Variants in FIGN observed in about 807,000 individuals in gnomAD.
FIGN encodes the protein fidgetin.
In FIGN, 11 loss-of-function variants were observed where a neutral mutation model predicts 51.3. The observed-to-expected ratio is 0.21, with a 90% confidence interval of 0.13 to 0.35. FIGN has a LOEUF of 0.35. Among genes scored for constraint, FIGN ranks in the 10% least tolerant of loss-of-function variants. FIGN has a pLI of 1.00. For missense variants in FIGN, 857 were observed against 943.6 expected, an observed-to-expected ratio of 0.91 and a Z score of 1.20; for synonymous variants, 407 against 363.2, an observed-to-expected ratio of 1.12 and a Z score of -1.37.
At chr2:163,647,955 AGATT>A (rs2105319994) in intron 2 of FIGN, among the ~76,000 whole-genome samples, 1 of 152,276 alleles carries the variant, frequency 6.6e-6, no homozygotes, top group African/African-American at 2.4e-5. Context: ...TGTAATAGAT[AGATT>A]AATAAGTGCA....
intron 2 of FIGN, among the ~76,000 whole-genome samples, chr2:163,673,921 T>C (rs939769255): frequency 1.3e-5 from 2 of 152,186 alleles, no homozygotes; most frequent in Non-Finnish European, 2.9e-5. Flanking sequence ...TATGAATATC[T>C]AATAAAGTGT....
intron 2 of FIGN, among the ~76,000 whole-genome samples, chr2:163,730,366 G>GA (rs1027317471): frequency 2.0e-5 from 3 of 151,938 alleles, no homozygotes; most frequent in African/African-American, 7.3e-5. Context: ...TCAAGTTTAG[G>GA]AAAAAAAGAA....
At chr2:163,666,312 G>A (rs986775086) in intron 2 of FIGN, among the ~76,000 whole-genome samples, 1 of 152,120 alleles carries the variant, frequency 6.6e-6, no homozygotes, top group Non-Finnish European at 1.5e-5. Flanking sequence ...CCTTCCTCAA[G>A]CATTCCTTTA....
intron 2 of FIGN, among the ~76,000 whole-genome samples, chr2:163,697,274 T>C (rs570547006): frequency 1.5e-4 from 23 of 151,708 alleles, no homozygotes; most frequent in Non-Finnish European, 2.5e-4. Context: ...CTAATTTTTG[T>C]GTTTTTAGTA....
intron 2 of FIGN, among the ~76,000 whole-genome samples, chr2:163,655,208 T>C (rs1234700026): frequency 4.6e-5 from 7 of 152,176 alleles, no homozygotes; most frequent in Admixed American, 4.6e-4. Flanking sequence ...CGTTTGACTT[T>C]TGGAAGCAGT....
intron 2 of FIGN, among the ~76,000 whole-genome samples, chr2:163,695,845 C>T (rs539701649): frequency 5.9e-5 from 9 of 152,154 alleles, no homozygotes; most frequent in South Asian, 2.1e-4. Context: ...CATTGGCTCA[C>T]GCCTGTAATT....
intron 2 of FIGN, among the ~76,000 whole-genome samples, chr2:163,615,151 A>T (rs1267286521): frequency 1.3e-5 from 2 of 152,198 alleles, no homozygotes; most frequent in African/African-American, 4.8e-5. Flanking sequence ...TTACAAGATA[A>T]TTGAAAGATT....
chr2:163,687,660 T>C (rs1025457573), intron 2 of FIGN, among the ~76,000 whole-genome samples: 3 of 152,206 alleles, frequency 2.0e-5, no homozygotes, highest in African/African-American at 7.2e-5. Flanking sequence ...TTTGATTAAG[T>C]ACACGTTTAC....
intron 2 of FIGN, among the ~76,000 whole-genome samples, chr2:163,688,110 C>T (rs1244341993): frequency 1.3e-5 from 2 of 152,174 alleles, no homozygotes; most frequent in African/African-American, 4.8e-5. Context: ...AAAGAAGATA[C>T]ATGTATATAT....
At chr2:163,620,039 G>A (rs929875491) in intron 2 of FIGN, among the ~76,000 whole-genome samples, 1 of 152,098 alleles carries the variant, frequency 6.6e-6, no homozygotes, top group Non-Finnish European at 1.5e-5. Context: ...GGATACATGA[G>A]GATGCGTGTA....
chr2:163,616,958 G>A (rs2105303118), intron 2 of FIGN, among the ~76,000 whole-genome samples: 1 of 152,174 alleles, frequency 6.6e-6, no homozygotes, highest in East Asian at 1.9e-4. Context: ...ACACCTCCTG[G>A]CACTGCAAAC....
At chr2:163,702,101 C>T (rs1684416503) in intron 2 of FIGN, among the ~76,000 whole-genome samples, 1 of 152,128 alleles carries the variant, frequency 6.6e-6, no homozygotes, top group South Asian at 2.1e-4. Flanking sequence ...ATGAAGCTTT[C>T]AAATACCCAT....
intron 2 of FIGN, among the ~76,000 whole-genome samples, chr2:163,624,213 C>G (rs1054236387): frequency 6.6e-6 from 1 of 151,584 alleles, no homozygotes; most frequent in African/African-American, 2.4e-5. Context: ...TTTTTCCCAC[C>G]CAATATATGT....
rs115985901 is a variant in FIGN, at chr2:163,660,353, T to C, written c.26-48547A>G. 5.4e-3 allele frequency among the ~76,000 whole-genome samples: 824 copies of C among 152,206 alleles called. 7 individuals are homozygous for C. The highest frequency in any genetic ancestry group is 0.019 in the African/African-American group (790 of 41,542). ...TAAGAGCTCCTTTACTTCCTTCTCA[T>C]TGATGGTATCTGATCTAATAGGTGG... On this transcript the variant is annotated intron_variant, in intron 2 of 2. Transcript: ENST00000333129.
In FIGN at chr2:163,726,467, A is replaced by G. The variant is rs79327758; in HGVS notation, c.25+8436T>C. ...GTAAAAATGGTGATTATTCTTAACAAGTTACATATTGGGAATTATTCTTCA... is the reference window on the plus strand; with the variant it reads ...GTAAAAATGGTGATTATTCTTAACAGGTTACATATTGGGAATTATTCTTCA... On this transcript the variant is annotated intron_variant, in intron 2 of 2. Transcript: ENST00000333129. Among the ~76,000 whole-genome samples, 1,099 of 152,240 alleles carry G rather than the reference A, an allele frequency of 7.2e-3. 12 individuals are homozygous for G. The highest frequency in any genetic ancestry group is 0.025 in the African/African-American group (1,033 of 41,566).
At position 163,611,358 on chromosome 2, in the gene FIGN, C is replaced by G; in HGVS notation, c.474G>C (p.Leu158=). 1 of 1,614,120 alleles carries G rather than the reference C, an allele frequency of 6.2e-7. No homozygotes were observed. The stretch of plus-strand genomic sequence containing the variant: ...TACTACTTGAATAACTAGGTTCTGT[C>G]AGGTTGCTGGCTACCCCAGGAGAGC... ...IGSSPGVASN[L]TEPSYSSSTC... Residue 158 remains leucine (L), a synonymous_variant, in exon 3 of 3, where the codon CTG becomes CTC. Coordinates refer to ENST00000333129, the MANE Select transcript of FIGN (RefSeq NM_018086.4).
intron 2 of FIGN, among the ~76,000 whole-genome samples, chr2:163,725,300 C>G (rs142929720): frequency 6.6e-6 from 1 of 151,770 alleles, no homozygotes. Context: ...CTCTTCAAAA[C>G]GGTACACAGC....
At chr2:163,625,431 T>C (rs1473998293) in intron 2 of FIGN, among the ~76,000 whole-genome samples, 1 of 152,038 alleles carries the variant, frequency 6.6e-6, no homozygotes. Flanking sequence ...TTTTCCTCCC[T>C]GATTGTTCCT....
intron 2 of FIGN, among the ~76,000 whole-genome samples, chr2:163,683,659 T>TA (rs1268125610): frequency 6.6e-6 from 1 of 152,130 alleles, no homozygotes; most frequent in African/African-American, 2.4e-5. Flanking sequence ...TGGGGAGCTT[T>TA]AAAAAATACT....
Sources: gnomAD v4.1 joint callset for allele counts (sites outside exome capture counted in the v4.1 genomes callset) on GRCh38, gnomAD v4.1.1 for gene constraint, MANE v1.5 for transcripts, NCBI Gene and HGNC (gene_info 2026-07-23, HGNC 2026-07-21) for gene names.